The following KIF26B variants were observed in gnomAD, a reference collection of about 807,000 sequenced individuals.
KIF26B encodes the protein kinesin-like protein KIF26B.
A neutral mutation model predicts 151.2 loss-of-function variants in KIF26B; 63 were observed. The ratio of observed to expected loss-of-function variants is 0.42; its 90% CI spans 0.34 to 0.51. The LOEUF is 0.51. Among genes scored for constraint, KIF26B ranks in the 20% least tolerant of loss-of-function variants. KIF26B has a pLI of 0.07. For missense variants in KIF26B, 2,813 were observed against 2,913.6 expected, an observed-to-expected ratio of 0.97 and a Z score of 0.79; for synonymous variants, 1,357 against 1,262.1, an observed-to-expected ratio of 1.08 and a Z score of -1.59.
chr1:245,383,231 T>C (rs1673456782), intron 3 of KIF26B, among the ~76,000 whole-genome samples: 1 of 151,938 alleles, frequency 6.6e-6, no homozygotes, highest in African/African-American at 2.4e-5. Flanking sequence ...GTGGAATTGG[T>C]GAATTTAGAA....
intron 5 of KIF26B, among the ~76,000 whole-genome samples, chr1:245,593,270 C>T (rs1365589038): frequency 6.6e-6 from 1 of 152,124 alleles, no homozygotes; most frequent in Non-Finnish European, 1.5e-5. Context: ...TTGCTGCACC[C>T]ATCAACCCGT....
chr1:245,571,795 C>T lies in KIF26B; in HGVS notation c.1351-30782C>T, dbSNP rs540591382. Among the ~76,000 whole-genome samples the T allele has an allele frequency of 3.9e-5, 6 of 152,278 alleles. No individual in the cohort carries two copies. The South Asian group carries it at 1.0e-3, about 26-fold the overall frequency. On this transcript the variant is annotated intron_variant, in intron 5 of 14. Coordinates refer to ENST00000407071, the MANE Select transcript of KIF26B (RefSeq NM_018012.4). ...CAGATTCTTTTGTGAGCCTCTAGTT[C>T]ACGCCCTGTAAGGACATTCATCCTT...
intron 2 of KIF26B, among the ~76,000 whole-genome samples, chr1:245,221,262 G>A (rs1669760191): frequency 6.6e-6 from 1 of 151,452 alleles, no homozygotes; most frequent in Admixed American, 6.6e-5. Context: ...AGAAAGAAGG[G>A]AATAAATGAG....
intron 2 of KIF26B, among the ~76,000 whole-genome samples, chr1:245,263,323 G>A (rs1670681633): frequency 6.6e-6 from 1 of 152,224 alleles, no homozygotes; most frequent in Non-Finnish European, 1.5e-5. Context: ...AGGGAAGGCA[G>A]AGGGCTTGCA....
At chr1:245,700,510 G>A (rs1271995886) in intron 14 of KIF26B, among the ~76,000 whole-genome samples, 1 of 152,132 alleles carries the variant, frequency 6.6e-6, no homozygotes. Context: ...TTGACAACAT[G>A]GTGTGAAACC....
chr1:245,636,435 TG>T (rs374783401), intron 9 of KIF26B, among the ~76,000 whole-genome samples: 300 of 152,192 alleles, frequency 2.0e-3, no homozygotes, highest in African/African-American at 6.8e-3. Flanking sequence ...TACATATTTT[TG>T]GAGTACACAT....
At chr1:245,638,321 GTTTA>G (rs1291607844) in intron 9 of KIF26B, among the ~76,000 whole-genome samples, 1 of 151,700 alleles carries the variant, frequency 6.6e-6, no homozygotes, top group Non-Finnish European at 1.5e-5. Flanking sequence ...CATTTTGCGT[GTTTA>G]TTTTATATCC....
At chr1:245,471,762 T>G (rs1398463672) in intron 4 of KIF26B, among the ~76,000 whole-genome samples, 1 of 151,474 alleles carries the variant, frequency 6.6e-6, no homozygotes, top group Non-Finnish European at 1.5e-5. Flanking sequence ...AATAGAGCAA[T>G]AAAGACAAGC....
Position 245,530,709 on chromosome 1 carries a change from G to C in KIF26B, c.1167-10058G>C, listed in dbSNP as rs57931460. 8.3e-3 allele frequency among the ~76,000 whole-genome samples: 1,269 copies of C among 152,310 alleles called. 17 individuals are homozygous for C. Among genetic ancestry groups the C allele is most frequent in the African/African-American group, 0.029 (1,195 of 41,558 alleles). On this transcript the variant is annotated intron_variant, in intron 4 of 14. Transcript: ENST00000407071. ...GGGTTTACCTGCTGTGTGTCTTCAG[G>C]CTTCTCCCAGTTCTTTATCTCTGCT...
rs567187382 is a variant in KIF26B, at chr1:245,342,745, G to T, written c.466-24089G>T. ...AGAAGAAGGGGAGGGAGGGAGGATGGAGACGTCAACCTGACATAGGATTTG... is the reference window on the plus strand; with the variant it reads ...AGAAGAAGGGGAGGGAGGGAGGATGTAGACGTCAACCTGACATAGGATTTG... On this transcript the variant is annotated intron_variant, in intron 2 of 14. Transcript: ENST00000407071. Among the ~76,000 whole-genome samples, 3 of 152,168 alleles carry T rather than the reference G, an allele frequency of 2.0e-5. No homozygotes were observed. In the East Asian group the frequency reaches 5.8e-4, roughly 29 times the overall value.
In KIF26B at chr1:245,688,112, T is replaced by C; in HGVS notation, c.5129T>C (p.Leu1710Pro). The C allele has an allele frequency of 1.9e-6, 3 of 1,563,166 alleles. No individual in the cohort carries two copies. Among genetic ancestry groups the C allele is most frequent in the Non-Finnish European group, 2.6e-6 (3 of 1,158,474 alleles). ...ACCATGCCCCGCGCGGGGAGGAGCCTGGGCCGCAGCGCCGGGACCTCGCCC... is the reference window on the plus strand; with the variant it reads ...ACCATGCCCCGCGCGGGGAGGAGCCCGGGCCGCAGCGCCGGGACCTCGCCC... Reference protein sequence around the residue: ...DGTMPRAGRSLGRSAGTSPPS... With the variant: ...DGTMPRAGRSPGRSAGTSPPS... Residue 1710 changes from leucine to proline, a missense_variant, in exon 12 of 15, where the codon CTG (leucine) becomes CCG (proline). Physicochemically the swap from Leu to Pro is moderately conservative, Grantham distance 98. Coordinates refer to ENST00000407071, the MANE Select transcript of KIF26B (RefSeq NM_018012.4).
intron 2 of KIF26B, among the ~76,000 whole-genome samples, chr1:245,233,674 G>A (rs1045885547): frequency 6.6e-6 from 1 of 152,010 alleles, no homozygotes; most frequent in South Asian, 2.1e-4. Flanking sequence ...ACTAACCACA[G>A]ACACATATTC....
At chr1:245,306,717 A>G (rs1671562145) in intron 2 of KIF26B, among the ~76,000 whole-genome samples, 1 of 152,114 alleles carries the variant, frequency 6.6e-6, no homozygotes. Flanking sequence ...GTCAAACTGG[A>G]TATGTTTTCT....
At chr1:245,613,361 G>C (rs900912380) in intron 9 of KIF26B, among the ~76,000 whole-genome samples, 3 of 152,136 alleles carry the variant, frequency 2.0e-5, no homozygotes, top group Admixed American at 1.3e-4. Context: ...CCAGCACTTT[G>C]GAAGGCCAAG....
At chr1:245,194,996 T>C (rs935160107) in intron 2 of KIF26B, among the ~76,000 whole-genome samples, 1 of 152,206 alleles carries the variant, frequency 6.6e-6, no homozygotes, top group Non-Finnish European at 1.5e-5. Flanking sequence ...GAAAATTAAA[T>C]AGTGGCTATT....
Position 245,707,520 on chromosome 1 carries a change from G to T in KIF26B, c.*4914G>T, listed in dbSNP as rs1291579311. On this transcript the variant is annotated 3_prime_UTR_variant, in exon 15 of 15. Transcript: ENST00000407071. The stretch of plus-strand genomic sequence containing the variant: ...TCGTGTTCTCTCATTTACTTATTAT[G>T]CATCACGGTTGGAAATGCTATCCAC... 1 of 152,180 alleles carries T rather than the reference G, an allele frequency of 6.6e-6. No individual in the cohort carries two copies. The highest frequency in any genetic ancestry group is 1.5e-5 in the Non-Finnish European group (1 of 68,044). The allele number at this position is 152,180 out of a possible 1,614,324, so 9.4% of individuals were successfully genotyped here. A position where few individuals can be genotyped will look rare whatever the true frequency, so the allele number is the denominator to read the frequency against.
intron 2 of KIF26B, among the ~76,000 whole-genome samples, chr1:245,309,083 C>T (rs944673361): frequency 2.6e-5 from 4 of 152,178 alleles, no homozygotes; most frequent in African/African-American, 9.7e-5. Context: ...ACAATCAGGA[C>T]ATTCTAGCAA....
At chr1:245,536,948 T>A (rs1421391462) in intron 4 of KIF26B, among the ~76,000 whole-genome samples, 6 of 152,222 alleles carry the variant, frequency 3.9e-5, no homozygotes, top group Non-Finnish European at 8.8e-5. Context: ...CTCTACAGCA[T>A]CACTTCCATT....
intron 2 of KIF26B, among the ~76,000 whole-genome samples, chr1:245,172,717 G>A (rs1332386587): frequency 6.6e-6 from 1 of 152,198 alleles, no homozygotes; most frequent in East Asian, 1.9e-4. Context: ...GGCTGAGGCA[G>A]GAGAATTGCT....
Sources: allele counts gnomAD v4.1 joint callset (sites outside exome capture counted in the v4.1 genomes callset), GRCh38; gene constraint gnomAD v4.1.1; transcripts MANE v1.5; gene names NCBI Gene and HGNC (gene_info 2026-07-23, HGNC 2026-07-21).